Variants in KCNQ3 observed in about 807,000 individuals in gnomAD.
KCNQ3 encodes potassium voltage-gated channel subfamily KQT member 3.
A neutral mutation model predicts 92.5 loss-of-function variants in KCNQ3; 30 were observed. The ratio of observed to expected loss-of-function variants is 0.32; its 90% CI spans 0.24 to 0.44. The LOEUF (loss-of-function observed/expected upper bound fraction) is 0.44, where lower values mean the gene tolerates loss of function less well. KCNQ3 is among the 20% of genes least tolerant of loss of function. KCNQ3 has a pLI of 1.00. For missense variants in KCNQ3, 913 were observed against 1,140.3 expected (o/e 0.80, Z 2.87); for synonymous variants, 450 against 468.8 (o/e 0.96, Z 0.52).
Position 132,284,923 on chromosome 8 carries a change from G to C in KCNQ3, c.387-98742C>G, listed in dbSNP as rs376490266. Among the ~76,000 whole-genome samples the C allele has an allele frequency of 8.5e-5, 13 of 152,280 alleles. No individual in the cohort carries two copies. In the East Asian group the frequency reaches 2.3e-3, roughly 27 times the overall value. ...TATTTTGCTCTCTTTGCATGCACTT[G>C]CTTGCTCTTCAACTTTTCTGCCTTG... On this transcript the variant is annotated intron_variant, in intron 1 of 14. Coordinates refer to ENST00000388996, the MANE Select transcript of KCNQ3 (RefSeq NM_004519.4).
At chr8:132,442,353 T>C (rs1821560186) in intron 1 of KCNQ3, among the ~76,000 whole-genome samples, 1 of 152,174 alleles carries the variant, frequency 6.6e-6, no homozygotes. Context: ...GCACCTCTCC[T>C]CTGGAGAGCT....
At position 132,129,806 on chromosome 8, in the gene KCNQ3, G is replaced by A. The variant is rs1488036655; in HGVS notation, c.2075C>T (p.Pro692Leu). 5 of 1,614,072 alleles carry A rather than the reference G, an allele frequency of 3.1e-6. No homozygotes were observed. Among genetic ancestry groups the A allele is most frequent in the Non-Finnish European group, 4.2e-6 (5 of 1,180,046 alleles). The change falls in exon 15 of 15, where the codon CCC (proline) becomes CTC (leucine). Residue 692 changes from proline (P) to leucine (L), a missense_variant. Pro to Leu is a moderately conservative substitution (Grantham distance 98). Around this residue, in one of 6 missense-constraint regions of KCNQ3, gnomAD observed 375 missense variants for 376.4 expected, o/e 1.00. Transcript: ENST00000388996. The surrounding 1 kb of genome is among the most constrained non-coding windows in gnomAD (Gnocchi z 5.9). The part of the protein sequence containing the change: ...TIICNYSETG[P>L]PEPPYSFHQV... ...GTGGAAGCTGTAGGGTGGTTCCGGG[G>A]GGCCTGTCTCAGAATAGTTGCAGAT...
intron 1 of KCNQ3, among the ~76,000 whole-genome samples, chr8:132,315,774 C>T (rs1282375115): frequency 6.6e-6 from 1 of 152,094 alleles, no homozygotes; most frequent in African/African-American, 2.4e-5. Flanking sequence ...GAAGTCATAT[C>T]CTTCACTTTA....
At position 132,386,474 on chromosome 8, in the gene KCNQ3, C is replaced by T. The variant is rs553432465; in HGVS notation, c.386+93673G>A. Among the ~76,000 whole-genome samples, 7 of 151,914 alleles carry T rather than the reference C, an allele frequency of 4.6e-5. No homozygotes were observed. In the South Asian group the frequency reaches 1.5e-3, roughly 32 times the overall value. On this transcript the variant is annotated intron_variant, in intron 1 of 14. Coordinates refer to ENST00000388996, the MANE Select transcript of KCNQ3 (RefSeq NM_004519.4). ...TTATAGCTAGTTCTGTGTAGTTATCCTTGAAGCAGTTGGTGAAATAGATGG... is the reference window on the plus strand; with the variant it reads ...TTATAGCTAGTTCTGTGTAGTTATCTTTGAAGCAGTTGGTGAAATAGATGG...
intron 1 of KCNQ3, among the ~76,000 whole-genome samples, chr8:132,217,538 G>A (rs773790574): frequency 3.3e-5 from 5 of 151,714 alleles, no homozygotes; most frequent in African/African-American, 1.2e-4. Flanking sequence ...ATGAAACCCC[G>A]TCTCTACTAA....
intron 1 of KCNQ3, among the ~76,000 whole-genome samples, chr8:132,267,258 G>A (rs187595162): frequency 6.6e-6 from 1 of 152,262 alleles, no homozygotes; most frequent in Admixed American, 6.5e-5. Context: ...CCCTAATTAT[G>A]TTAAACCTTC....
chr8:132,146,074 A>G (rs544953642), intron 9 of KCNQ3, among the ~76,000 whole-genome samples: 1 of 152,384 alleles, frequency 6.6e-6, no homozygotes, highest in African/African-American at 2.4e-5. Context: ...ATGAAATACT[A>G]TTTAAACAGA....
chr8:132,427,459 T>C (rs539730820), intron 1 of KCNQ3, among the ~76,000 whole-genome samples: 1 of 152,290 alleles, frequency 6.6e-6, no homozygotes, highest in East Asian at 1.9e-4. Flanking sequence ...GAAGAAACCA[T>C]ACAGACCATG....
At chr8:132,266,413 G>A (rs970690248) in intron 1 of KCNQ3, among the ~76,000 whole-genome samples, 13 of 152,184 alleles carry the variant, frequency 8.5e-5, no homozygotes, top group African/African-American at 3.1e-4. Context: ...CTCTGTAAAC[G>A]AGATATTATA....
In KCNQ3 at chr8:132,192,236, C is replaced by T. The variant is rs192174029; in HGVS notation, c.387-6055G>A. Among the ~76,000 whole-genome samples, 1,368 of 152,340 alleles carry T rather than the reference C, an allele frequency of 9.0e-3. 12 individuals carry two copies. Among genetic ancestry groups the T allele is most frequent in the Middle Eastern group, 0.017 (5 of 294 alleles). On this transcript the variant is annotated intron_variant, in intron 1 of 14. Transcript: ENST00000388996. ...AGGCCCGGCGTAGCCCCGCGCTTCT[C>T]ACGCCTCACCAGCAACCGCAGGAAC...
Position 132,129,801 on chromosome 8 carries a change from C to T in KCNQ3, c.2080G>A (p.Glu694Lys), listed in dbSNP as rs766760025. The change falls in exon 15 of 15, where the codon GAA becomes AAA. Residue 694 changes from glutamate to lysine, a missense_variant. By Grantham distance (56) the Glu-to-Lys change is moderately conservative (BLOSUM62 1). Transcript: ENST00000388996. The surrounding 1 kb of genome is among the most constrained non-coding windows in gnomAD (Gnocchi z 5.9). ...ICNYSETGPP[E>K]PPYSFHQVTI... The stretch of plus-strand genomic sequence containing the variant: ...ACCTGGTGGAAGCTGTAGGGTGGTT[C>T]CGGGGGGCCTGTCTCAGAATAGTTG... The T allele has an allele frequency of 6.2e-7, 1 of 1,614,148 alleles. No individual in the cohort carries two copies. Among genetic ancestry groups the T allele is most frequent in the Non-Finnish European group, 8.5e-7 (1 of 1,180,026 alleles).
At chr8:132,186,773 A>T (rs77446170) in intron 1 of KCNQ3, among the ~76,000 whole-genome samples, 1 of 152,182 alleles carries the variant, frequency 6.6e-6, no homozygotes, top group Non-Finnish European at 1.5e-5. Context: ...AAGAAGAGGA[A>T]CTACCACACT....
At position 132,129,304 on chromosome 8, in the gene KCNQ3, C is replaced by T. The variant is rs867976728; in HGVS notation, c.2577G>A (p.Gly859=). The T allele has an allele frequency of 6.2e-7, 1 of 1,613,950 alleles. No homozygotes were observed. The highest frequency in any genetic ancestry group is 1.1e-5 in the South Asian group (1 of 91,084). Reference sequence around the variant, plus strand: ...AAGGGGTCCATACTGAATCAGAAATCCCATCCCCTGTGGACGACAGAGGCA... The same window carrying T: ...AAGGGGTCCATACTGAATCAGAAATTCCATCCCCTGTGGACGACAGAGGCA... The part of the protein sequence containing the change: ...GSMPLSSTGD[G]ISDSVWTPSN... The change falls in exon 15 of 15, where the codon GGG becomes GGA. Residue 859 remains glycine (G), a synonymous_variant. Coordinates refer to ENST00000388996, the MANE Select transcript of KCNQ3 (RefSeq NM_004519.4). This position sits in a 1 kb window ranked among gnomAD's most constrained non-coding sequence, Gnocchi z 5.9.
At chr8:132,443,121 T>C (rs1476105169) in intron 1 of KCNQ3, among the ~76,000 whole-genome samples, 2 of 152,210 alleles carry the variant, frequency 1.3e-5, no homozygotes, top group Non-Finnish European at 2.9e-5. Context: ...AGGCCCCGCT[T>C]GAGCATAACC....
intron 1 of KCNQ3, among the ~76,000 whole-genome samples, chr8:132,264,246 T>C (rs1208896618): frequency 6.6e-6 from 1 of 152,206 alleles, no homozygotes; most frequent in East Asian, 1.9e-4. Flanking sequence ...ACTTAGTTCC[T>C]GCCCACAGCT....
intron 1 of KCNQ3, among the ~76,000 whole-genome samples, chr8:132,192,364 T>A (rs1827186053): frequency 6.6e-6 from 1 of 152,204 alleles, no homozygotes; most frequent in Admixed American, 6.5e-5. Context: ...GTTTCTTGCA[T>A]ATTTCAATTT....
chr8:132,480,032 T>A (rs918038239), intron 1 of KCNQ3, 115 bp downstream of exon 1: 3 of 1,010,202 alleles, frequency 3.0e-6, no homozygotes, highest in Non-Finnish European at 1.4e-6. Flanking sequence ...GGTCTCCCCT[T>A]CAGCGGGAAA....
At chr8:132,209,434 G>T (rs1813778868) in intron 1 of KCNQ3, among the ~76,000 whole-genome samples, 1 of 152,012 alleles carries the variant, frequency 6.6e-6, no homozygotes, top group African/African-American at 2.4e-5. Flanking sequence ...AAATGTTTGT[G>T]TTTCAATGGA....
At chr8:132,308,551 T>C (rs1025477270) in intron 1 of KCNQ3, among the ~76,000 whole-genome samples, 3 of 152,188 alleles carry the variant, frequency 2.0e-5, no homozygotes, top group Admixed American at 1.3e-4. Flanking sequence ...TTTATCATGC[T>C]TCACATGAGG....
Sources: gnomAD v4.1 joint callset for allele counts (sites outside exome capture counted in the v4.1 genomes callset) on GRCh38, gnomAD v4.1.1 for gene constraint, gnomAD v4.1.1 regional missense constraint, Gnocchi (gnomAD v3.1) non-coding constraint, MANE v1.5 for transcripts, NCBI Gene and HGNC (gene_info 2026-07-23, HGNC 2026-07-21) for gene names.